Variants in GRIA1 observed in about 807,000 individuals in gnomAD.
GRIA1 encodes the protein glutamate receptor 1.
GRIA1 carries 31 observed loss-of-function variants against 99.2 expected under a neutral mutation model. That is an observed-to-expected ratio of 0.31 (90% CI 0.23 to 0.42). GRIA1 has a LOEUF of 0.42. Ranked by LOEUF, GRIA1 falls within the 10% of genes least tolerant of loss-of-function variation. GRIA1 has a pLI of 1.00. For missense variants in GRIA1, 782 were observed against 1,157.5 expected, an observed-to-expected ratio of 0.68 and a Z score of 4.71; for synonymous variants, 438 against 432.4, an observed-to-expected ratio of 1.01 and a Z score of -0.16.
chr5:153,510,795 A>T (rs1018500837), intron 2 of GRIA1, among the ~76,000 whole-genome samples: 9 of 152,232 alleles, frequency 5.9e-5, no homozygotes, highest in African/African-American at 2.2e-4. Flanking sequence ...CTGACATCAA[A>T]TGATGCAGAA....
rs1170388254 is a variant in GRIA1 at position 153,533,731 on chromosome 5, T to TG, written c.220+39671dup. ...CTCAAATAAAGTGAAGAGAAGGGTGTGGGGGAGAAGGCAAGAGATATTTGG... is the reference window on the plus strand; with the variant it reads ...CTCAAATAAAGTGAAGAGAAGGGTGTGGGGGGAGAAGGCAAGAGATATTTGG... On this transcript the variant is annotated intron_variant, in intron 2 of 15. Transcript: ENST00000285900. 1.3e-5 allele frequency among the ~76,000 whole-genome samples: 2 copies of TG among 152,150 alleles called. 1 individual carries two copies. The highest frequency in any genetic ancestry group is 4.8e-5 in the African/African-American group (2 of 41,426).
chr5:153,656,383 T>TTTTATATATATA (rs769901040), intron 5 of GRIA1, among the ~76,000 whole-genome samples: 5 of 92,680 alleles, frequency 5.4e-5, no homozygotes, highest in African/African-American at 2.1e-4. Context: ...ATAAGTTTGT[T>TTTTATATATATA]TATATATATA....
At chr5:153,521,334 AAC>A (rs1277386914) in intron 2 of GRIA1, among the ~76,000 whole-genome samples, 1 of 152,232 alleles carries the variant, frequency 6.6e-6, no homozygotes, top group African/African-American at 2.4e-5. Context: ...GGACCAGAGA[AAC>A]AGAGTAAGAG....
At chr5:153,585,677 G>A (rs542345169) in intron 2 of GRIA1, among the ~76,000 whole-genome samples, 1 of 152,134 alleles carries the variant, frequency 6.6e-6, no homozygotes, top group East Asian at 1.9e-4. Flanking sequence ...TATAAATCAG[G>A]CTTATTGCCC....
At chr5:153,533,342 G>C (rs1020731414) in intron 2 of GRIA1, among the ~76,000 whole-genome samples, 1 of 151,940 alleles carries the variant, frequency 6.6e-6, no homozygotes, top group Non-Finnish European at 1.5e-5. Flanking sequence ...TCTTCGGCTA[G>C]CTCCTTCAAC....
chr5:153,516,668 T>C (rs1348374867), intron 2 of GRIA1, among the ~76,000 whole-genome samples: 1 of 152,006 alleles, frequency 6.6e-6, no homozygotes, highest in Non-Finnish European at 1.5e-5. Context: ...ACCTGTTGGC[T>C]GGGGAGACAA....
intron 2 of GRIA1, among the ~76,000 whole-genome samples, chr5:153,521,812 G>A (rs775196862): frequency 4.6e-5 from 7 of 152,182 alleles, no homozygotes; most frequent in Non-Finnish European, 1.0e-4. Context: ...AGATATTATA[G>A]CACACCCACA....
rs1441262345 is a variant in GRIA1 at position 153,806,170 on chromosome 5, T to C, written c.2520+3680T>C. On this transcript the variant is annotated intron_variant, in intron 15 of 15. Coordinates refer to ENST00000285900, the MANE Select transcript of GRIA1 (RefSeq NM_000827.4). ...GCCCCCAACCTTACAGAGACCCAAA[T>C]TGGTGATGACATGGGCATTTGATGA... Among the ~76,000 whole-genome samples, 3 of 152,240 alleles carry C rather than the reference T, an allele frequency of 2.0e-5. No homozygotes were observed. The South Asian group carries it at 6.2e-4, about 31-fold the overall frequency.
chr5:153,512,445 A>G (rs1756187001), intron 2 of GRIA1, among the ~76,000 whole-genome samples: 1 of 152,212 alleles, frequency 6.6e-6, no homozygotes, highest in African/African-American at 2.4e-5. Context: ...AAACAAACAT[A>G]TTTGGAAAGG....
chr5:153,709,752 A>C (rs868560334), intron 11 of GRIA1, among the ~76,000 whole-genome samples: 3 of 152,192 alleles, frequency 2.0e-5, no homozygotes, highest in Non-Finnish European at 2.9e-5. Flanking sequence ...AGAAGAACAA[A>C]AGCTTAACAA....
intron 11 of GRIA1, among the ~76,000 whole-genome samples, chr5:153,745,032 C>G (rs987500197): frequency 2.0e-5 from 3 of 152,204 alleles, no homozygotes; most frequent in African/African-American, 4.8e-5. Context: ...TTAGTCCTTC[C>G]TTCACTCTCC....
chr5:153,544,475 A>T (rs1759427909), intron 2 of GRIA1, among the ~76,000 whole-genome samples: 1 of 152,176 alleles, frequency 6.6e-6, no homozygotes, highest in African/African-American at 2.4e-5. Context: ...CAAATGGAAA[A>T]GTCCTGCTCC....
At position 153,794,184 on chromosome 5, in the gene GRIA1, G is replaced by A. The variant is rs146463828; in HGVS notation, c.2271-437G>A. ...AACACTCAGAGGAATGGGTGAGCCA[G>A]GTGCCTTCCCCTGCTCCCTACTTTG... On this transcript the variant is annotated intron_variant, in intron 13 of 15. Coordinates refer to ENST00000285900, the MANE Select transcript of GRIA1 (RefSeq NM_000827.4). 1.6e-4 allele frequency among the ~76,000 whole-genome samples: 25 copies of A among 152,272 alleles called. No individual in the cohort carries two copies. In the East Asian group the frequency reaches 4.4e-3, roughly 27 times the overall value.
Position 153,700,661 on chromosome 5 carries a change from T to A in GRIA1, c.1452+1588T>A, listed in dbSNP as rs74957493. Among the ~76,000 whole-genome samples, 1,019 of 152,240 alleles carry A rather than the reference T, an allele frequency of 6.7e-3. 63 individuals are homozygous for A. The East Asian group carries it at 0.15, about 23-fold the overall frequency. Reference sequence around the variant, plus strand: ...ATGGAAGAAGCCTCCAGCTGCCTTGTGCAGGGAAGGGACCACCACGGCTTC... The same window carrying A: ...ATGGAAGAAGCCTCCAGCTGCCTTGAGCAGGGAAGGGACCACCACGGCTTC... On this transcript the variant is annotated intron_variant, in intron 10 of 15. Transcript: ENST00000285900.
At chr5:153,617,747 T>C (rs1766646035) in intron 2 of GRIA1, among the ~76,000 whole-genome samples, 2 of 152,178 alleles carry the variant, frequency 1.3e-5, no homozygotes, top group Non-Finnish European at 1.5e-5. Context: ...AACTAAAAAC[T>C]GCTTATCCTT....
At chr5:153,755,555 G>A (rs1762774342) in intron 11 of GRIA1, 1 of 152,324 alleles carries the variant, frequency 6.6e-6, no homozygotes, top group Non-Finnish European at 1.5e-5. Context: ...GGTTGCCTAA[G>A]GAGGGGTGAA....
At chr5:153,547,967 A>G (rs1313280468) in intron 2 of GRIA1, among the ~76,000 whole-genome samples, 1 of 152,136 alleles carries the variant, frequency 6.6e-6, no homozygotes, top group Non-Finnish European at 1.5e-5. Context: ...AACGTCCTAG[A>G]TTTTTGACAT....
chr5:153,604,247 C>T (rs573977854), intron 2 of GRIA1, among the ~76,000 whole-genome samples: 3 of 152,220 alleles, frequency 2.0e-5, no homozygotes, highest in African/African-American at 7.2e-5. Flanking sequence ...CTTTGCCAAG[C>T]TCTTGCCTCA....
intron 2 of GRIA1, among the ~76,000 whole-genome samples, chr5:153,529,534 G>A (rs141273131): frequency 1.3e-5 from 2 of 152,242 alleles, no homozygotes; most frequent in African/African-American, 4.8e-5. Context: ...TCATCACATC[G>A]AAGTATTCAT....
Sources: allele counts gnomAD v4.1 joint callset (sites outside exome capture counted in the v4.1 genomes callset), GRCh38; gene constraint gnomAD v4.1.1; transcripts MANE v1.5; gene names NCBI Gene and HGNC (gene_info 2026-07-23, HGNC 2026-07-21).